STK32A: variants seen among roughly 807,000 people sequenced by gnomAD.
STK32A encodes serine/threonine-protein kinase 32A.
In STK32A, 41 loss-of-function variants were observed where a neutral mutation model predicts 53.2. The ratio of observed to expected loss-of-function variants is 0.77; its 90% CI spans 0.60 to 1.00. The LOEUF is 1.00. STK32A is among the 50% of genes least tolerant of loss of function. The probability of loss-of-function intolerance (pLI) is 0.00; values close to 1 mark genes in which losing one functional copy is unlikely to be tolerated. For synonymous variants in STK32A, 166 were observed against 162.8 expected, an observed-to-expected ratio of 1.02 and a Z score of -0.15; for missense variants, 458 against 485.8, an observed-to-expected ratio of 0.94 and a Z score of 0.54.
At chr5:147,394,065 G>A in the STK32A span, 4 of 1,614,148 alleles carry the variant, frequency 2.5e-6, no homozygotes, top group East Asian at 4.5e-5. Context: ...TAGAACGGCC[G>A]CCTGGGGGCG....
At chr5:147,373,327 C>A in intron 10 of STK32A, 33 bp downstream of exon 10, 1 of 1,611,058 alleles carries the variant, frequency 6.2e-7, no homozygotes, top group South Asian at 1.1e-5. Context: ...AAATAACTCC[C>A]ATTCAGTGCG....
chr5:147,384,077 C>T lies in STK32A; in HGVS notation c.*94C>T. ...TGACAGTAGTTCTTGCCACTCCACACACCATGACTTAGAAAATGTGAATGA... is the reference window on the plus strand; with the variant it reads ...TGACAGTAGTTCTTGCCACTCCACATACCATGACTTAGAAAATGTGAATGA... On this transcript the variant is annotated 3_prime_UTR_variant, in exon 13 of 13. Transcript: ENST00000397936. The T allele has an allele frequency of 6.6e-7, 1 of 1,513,858 alleles. No homozygotes were observed. Among genetic ancestry groups the T allele is most frequent in the Non-Finnish European group, 8.8e-7 (1 of 1,140,904 alleles). 93.8% of individuals were successfully genotyped at this position (1,513,858 alleles called of 1,614,324 possible).
chr5:147,347,513 G>A (rs898586597), intron 6 of STK32A, among the ~76,000 whole-genome samples: 2 of 152,130 alleles, frequency 1.3e-5, no homozygotes, highest in African/African-American at 4.8e-5. Flanking sequence ...GCCAGGGTTG[G>A]GAGGTGATAT....
At chr5:147,372,223 G>A (rs544130438) in intron 9 of STK32A, among the ~76,000 whole-genome samples, 2 of 141,040 alleles carry the variant, frequency 1.4e-5, no homozygotes, top group African/African-American at 5.1e-5. Flanking sequence ...TATATTGAGT[G>A]ATGATACAAA....
chr5:147,255,968 C>G (rs9686602), intron 2 of STK32A, among the ~76,000 whole-genome samples: 210 of 152,038 alleles, frequency 1.4e-3, no homozygotes, highest in African/African-American at 4.8e-3. Flanking sequence ...TCTCGCTTTA[C>G]GATGTCTTAT....
chr5:147,350,519 G>A (rs781365266), intron 6 of STK32A, among the ~76,000 whole-genome samples: 9 of 151,566 alleles, frequency 5.9e-5, no homozygotes, highest in African/African-American at 9.7e-5. Context: ...CCATCACCAC[G>A]CCCAGCTAAT....
chr5:147,281,332 C>T (rs1310393642), intron 4 of STK32A, among the ~76,000 whole-genome samples: 2 of 152,014 alleles, frequency 1.3e-5, no homozygotes, highest in East Asian at 3.9e-4. Flanking sequence ...AAAGGTGAAG[C>T]TCAGTGCAAG....
chr5:147,380,366 A>G (rs1003834141), intron 11 of STK32A, among the ~76,000 whole-genome samples: 1 of 151,948 alleles, frequency 6.6e-6, no homozygotes, highest in Non-Finnish European at 1.5e-5. Flanking sequence ...CTTGTTCCCC[A>G]TCTCTCTTCT....
chr5:147,357,892 T>A (rs1392047187), intron 7 of STK32A, among the ~76,000 whole-genome samples: 1 of 152,106 alleles, frequency 6.6e-6, no homozygotes. Flanking sequence ...ACTAAATACA[T>A]TTTTGTGCTA....
At chr5:147,398,424 T>C in the STK32A span, among the ~76,000 whole-genome samples, 1 of 152,344 alleles carries the variant, frequency 6.6e-6, no homozygotes, top group African/African-American at 2.4e-5. Flanking sequence ...GTACCTCCAA[T>C]TTTTAATCTA....
Position 147,386,942 on chromosome 5 carries a change from T to A in STK32A, c.*2959T>A, listed in dbSNP as rs1757663474. The A allele has an allele frequency of 6.6e-6, 1 of 152,204 alleles. No individual in the cohort carries two copies. Among genetic ancestry groups the A allele is most frequent in the Admixed American group, 6.5e-5 (1 of 15,284 alleles). The allele number at this position is 152,204 out of a possible 1,614,324, so 9.4% of individuals were successfully genotyped here. On this transcript the variant is annotated 3_prime_UTR_variant, in exon 13 of 13. Transcript: ENST00000397936. ...CTATAACTTGGGCTAAACGTTAATATCCCACTAGGTGGAACATGTCTCTTC... is the reference window on the plus strand; with the variant it reads ...CTATAACTTGGGCTAAACGTTAATAACCCACTAGGTGGAACATGTCTCTTC...
chr5:147,267,893 G>A (rs1467025522), intron 2 of STK32A, among the ~76,000 whole-genome samples: 6 of 152,138 alleles, frequency 3.9e-5, no homozygotes, highest in African/African-American at 1.4e-4. Context: ...CATTCCTGAA[G>A]CTTTCTTATT....
intron 4 of STK32A, among the ~76,000 whole-genome samples, chr5:147,319,451 T>TA (rs1672915328): frequency 6.6e-6 from 1 of 152,042 alleles, no homozygotes; most frequent in Admixed American, 6.6e-5. Flanking sequence ...CACAATGGGG[T>TA]ATTGTTTTTA....
Position 147,378,246 on chromosome 5 carries a change from C to T in STK32A, c.1032+3028C>T, listed in dbSNP as rs570650195. 3.9e-5 allele frequency among the ~76,000 whole-genome samples: 6 copies of T among 152,140 alleles called. No individual in the cohort carries two copies. The East Asian group carries it at 9.7e-4, about 25-fold the overall frequency. On this transcript the variant is annotated intron_variant, in intron 11 of 12. Transcript: ENST00000397936. ...TGAGTGAAGGGTTAGGATAGGCTTTCCAGAGGAGGCAACATTTGATCTGGT... is the reference window on the plus strand; with the variant it reads ...TGAGTGAAGGGTTAGGATAGGCTTTTCAGAGGAGGCAACATTTGATCTGGT...
chr5:147,308,151 T>C (rs1286955621), intron 4 of STK32A, among the ~76,000 whole-genome samples: 1 of 144,862 alleles, frequency 6.9e-6, no homozygotes, highest in Non-Finnish European at 1.5e-5. Context: ...TATATATATA[T>C]ATATATATAT....
rs563953178 is a variant in STK32A at position 147,306,050 on chromosome 5, G to A, written c.261-17848G>A. Among the ~76,000 whole-genome samples, 165 of 152,040 alleles carry A rather than the reference G, an allele frequency of 1.1e-3. 2 individuals carry two copies. Among genetic ancestry groups the A allele is most frequent in the African/African-American group, 3.9e-3 (160 of 41,484 alleles). ...GCAAACAATTTTCCAAAGAGCTTGTGCCAGTTTATACTCACATCCGCAATG... is the reference window on the plus strand; with the variant it reads ...GCAAACAATTTTCCAAAGAGCTTGTACCAGTTTATACTCACATCCGCAATG... On this transcript the variant is annotated intron_variant, in intron 4 of 12. Transcript: ENST00000397936.
At chr5:147,393,797 G>A in the STK32A span, 1 of 536,458 alleles carries the variant, frequency 1.9e-6, no homozygotes, top group Non-Finnish European at 3.4e-6. Context: ...CTGATTGCAT[G>A]CATGTAAATG....
intron 4 of STK32A, among the ~76,000 whole-genome samples, chr5:147,319,411 G>A (rs1234330493): frequency 6.6e-6 from 1 of 151,990 alleles, no homozygotes; most frequent in Admixed American, 6.6e-5. Flanking sequence ...CAAAGTGCTG[G>A]GATTACAGGC....
chr5:147,263,889 C>A (rs776827477), intron 2 of STK32A, among the ~76,000 whole-genome samples: 2 of 152,032 alleles, frequency 1.3e-5, no homozygotes, highest in Non-Finnish European at 2.9e-5. Flanking sequence ...ATGAATAAAT[C>A]ATAACATATC....
Sources: gnomAD v4.1 joint callset for allele counts (sites outside exome capture counted in the v4.1 genomes callset) on GRCh38, gnomAD v4.1.1 for gene constraint, MANE v1.5 for transcripts, NCBI Gene and HGNC (gene_info 2026-07-23, HGNC 2026-07-21) for gene names.